Variants in UPB1 observed in about 807,000 individuals in gnomAD.
UPB1 encodes the protein beta-ureidopropionase 1.
UPB1 carries 40 observed loss-of-function variants against 49.1 expected under a neutral mutation model. The ratio of observed to expected loss-of-function variants is 0.81; its 90% confidence interval spans 0.63 to 1.06. UPB1 has a LOEUF of 1.06. Ranked by LOEUF, UPB1 falls within the 50% of genes least tolerant of loss-of-function variation. UPB1 has a pLI of 0.00. For synonymous variants in UPB1, 207 were observed against 198.2 expected, an observed-to-expected ratio of 1.04 and a Z score of -0.38; for missense variants, 499 against 505.9, an observed-to-expected ratio of 0.99 and a Z score of 0.13.
chr22:24,510,696 C>G, intron 3 of UPB1, 53 bp from the exon 4 acceptor site: 2 of 1,565,718 alleles, frequency 1.3e-6, no homozygotes, highest in South Asian at 1.1e-5. Flanking sequence ...TGAGGAGCCC[C>G]CCTCAGAGGC....
chr22:24,512,286 C>T (rs1187554113), intron 4 of UPB1, among the ~76,000 whole-genome samples: 3 of 152,184 alleles, frequency 2.0e-5, no homozygotes, highest in Non-Finnish European at 2.9e-5. Context: ...AGACACTCCG[C>T]CTCCACAGGG....
chr22:24,510,869 A>G (rs368633145), intron 4 of UPB1, 26 bp downstream of exon 4: 9 of 1,611,512 alleles, frequency 5.6e-6, no homozygotes, highest in Non-Finnish European at 7.6e-6. Context: ...TGCCTCTGGC[A>G]GCAGCTGCCA....
Position 24,495,371 on chromosome 22 carries a change from G to A in UPB1, c.-33G>A, listed in dbSNP as rs375125095. On this transcript the variant is annotated 5_prime_UTR_variant, in exon 1 of 10. It adds an upstream start codon to the 5' untranslated region. Transcript: ENST00000326010. Reference sequence around the variant, plus strand: ...ACTGCGGGCAAAGGGCAGGCAGTTCGTGCGCGGACACAAGCACTGGCGGAC... The same window carrying A: ...ACTGCGGGCAAAGGGCAGGCAGTTCATGCGCGGACACAAGCACTGGCGGAC... 4.3e-6 allele frequency: 7 copies of A among 1,609,278 alleles called. No individual in the cohort carries two copies. Among genetic ancestry groups the A allele is most frequent in the South Asian group, 1.1e-5 (1 of 91,046 alleles).
chr22:24,519,818 T>G, intron 6 of UPB1: 2 of 174,826 alleles, frequency 1.1e-5, no homozygotes, highest in East Asian at 1.6e-4. Context: ...AGTAGGAGAG[T>G]TAGGGTAGGG....
At chr22:24,518,328 A>G (rs925933647) in intron 6 of UPB1, 1 of 152,218 alleles carries the variant, frequency 6.6e-6, no homozygotes, top group Non-Finnish European at 1.5e-5. Context: ...GGTAATGCAA[A>G]GTGATGAAAG....
At chr22:24,495,604 G>C in intron 1 of UPB1, 97 bp downstream of exon 1, 4 of 1,361,044 alleles carry the variant, frequency 2.9e-6, no homozygotes, top group Non-Finnish European at 4.1e-6. Context: ...GAAGGGCTCA[G>C]GGGAGGCGGT....
At chr22:24,496,378 C>CACACACACACACACACACACACACAT (rs938401440) in intron 1 of UPB1, among the ~76,000 whole-genome samples, 17 of 133,282 alleles carry the variant, frequency 1.3e-4, no homozygotes, top group Admixed American at 5.0e-4. Context: ...CTCAAACACA[C>CACACACACACACACACACACACACAT]ACACACACAC....
rs1329555373 is a variant in UPB1 at position 24,510,562 on chromosome 22, C to T, written c.365-187C>T. ...AAGACTTTGGGAAAGACATTTGGCC[C>T]AGCCCCTTGTTTTGCCATGAAGCCC... is the stretch of plus-strand genomic sequence containing the variant. On this transcript the variant is annotated intron_variant, in intron 3 of 9. Coordinates refer to ENST00000326010, the MANE Select transcript of UPB1 (RefSeq NM_016327.3). Among the ~76,000 whole-genome samples the T allele has an allele frequency of 2.6e-5, 4 of 152,160 alleles. No individual in the cohort carries two copies. The East Asian group carries it at 7.7e-4, about 29-fold the overall frequency.
At chr22:24,504,723 CTTT>C (rs35606558) in intron 3 of UPB1, among the ~76,000 whole-genome samples, 17 of 91,772 alleles carry the variant, frequency 1.9e-4, no homozygotes, top group African/African-American at 6.8e-4. Context: ...GTATTTCCTC[CTTT>C]TTTTTTTTTT....
intron 3 of UPB1, among the ~76,000 whole-genome samples, chr22:24,509,361 GAAAAAAAAAAAA>G (rs202081655): frequency 0.046 from 4,200 of 91,530 alleles, 25 homozygotes; most frequent in Middle Eastern, 0.079. Context: ...CCTACTGTTT[GAAAAAAAAAAAA>G]AAAAAAAAAA....
intron 1 of UPB1, among the ~76,000 whole-genome samples, chr22:24,497,956 CTT>C (rs1421853170): frequency 6.6e-6 from 1 of 152,138 alleles, no homozygotes; most frequent in Non-Finnish European, 1.5e-5. Context: ...TGGCAGAGCT[CTT>C]GTCTGAGTGT....
chr22:24,502,318 T>C (rs775849351), intron 3 of UPB1, 105 bp downstream of exon 3: 1 of 1,262,792 alleles, frequency 7.9e-7, no homozygotes, highest in Non-Finnish European at 1.2e-6. Flanking sequence ...ATCTCCTTTG[T>C]TTCCTCATCC....
In UPB1 at chr22:24,526,086, A is replaced by C; in HGVS notation, c.*292A>C. 2.4e-6 allele frequency: 1 copy of C among 413,692 alleles called. No individual in the cohort carries two copies. The highest frequency in any genetic ancestry group is 4.6e-6 in the Non-Finnish European group (1 of 219,582). 25.6% of individuals were successfully genotyped at this position (413,692 alleles called of 1,614,324 possible). A position where few individuals can be genotyped will look rare whatever the true frequency, so the allele number is the denominator to read the frequency against. On this transcript the variant is annotated 3_prime_UTR_variant, in exon 10 of 10. Coordinates refer to ENST00000326010, the MANE Select transcript of UPB1 (RefSeq NM_016327.3). The stretch of plus-strand genomic sequence containing the variant: ...TGTAAATTTTACCTCAACTAAAAAA[A>C]AAAATGCCCAGGTACTGCTTGTGCA...
intron 1 of UPB1, 60 bp downstream of exon 1, chr22:24,495,567 G>A: frequency 1.3e-6 from 2 of 1,586,876 alleles, no homozygotes; most frequent in Non-Finnish European, 8.6e-7. Flanking sequence ...GGGTCTGGGG[G>A]AGCAGGCAGG....
At position 24,502,121 on chromosome 22, in the gene UPB1, C is replaced by A. The variant is rs1245677784; in HGVS notation, c.277-5C>A. 1 of 1,614,120 alleles carries A rather than the reference C, an allele frequency of 6.2e-7. No homozygotes were observed. Among genetic ancestry groups the A allele is most frequent in the Non-Finnish European group, 8.5e-7 (1 of 1,179,966 alleles). On this transcript the variant is annotated splice_region_variant and splice_polypyrimidine_tract_variant and intron_variant, in intron 2 of 9. Transcript: ENST00000326010. The stretch of plus-strand genomic sequence containing the variant: ...AATGGATTCTAATCCTTTTTAAATT[C>A]TCAGGTCTCTGCCCTTCATAGACGC...
intron 3 of UPB1, among the ~76,000 whole-genome samples, chr22:24,504,723 C>CTTTT (rs35606558): frequency 1.3e-3 from 118 of 91,764 alleles, no homozygotes; most frequent in East Asian, 3.1e-3. Flanking sequence ...GTATTTCCTC[C>CTTTT]TTTTTTTTTT....
chr22:24,512,798 T>G (rs1422190731), intron 4 of UPB1, among the ~76,000 whole-genome samples: 10 of 152,198 alleles, frequency 6.6e-5, no homozygotes, highest in Admixed American at 6.5e-5. Context: ...TTTGTCTTTT[T>G]GGGACTGGCT....
intron 9 of UPB1, among the ~76,000 whole-genome samples, chr22:24,524,927 A>G (rs2044456710): frequency 6.6e-6 from 1 of 152,128 alleles, no homozygotes; most frequent in African/African-American, 2.4e-5. Context: ...TTTTCTGAGC[A>G]TGGGTTCCTC....
At chr22:24,509,361 GAAAAAAAAAAA>G (rs202081655) in intron 3 of UPB1, among the ~76,000 whole-genome samples, 1,739 of 91,890 alleles carry the variant, frequency 0.019, 20 homozygotes, top group African/African-American at 0.071. Flanking sequence ...CCTACTGTTT[GAAAAAAAAAAA>G]AAAAAAAAAA....
Sources: allele counts gnomAD v4.1 joint callset (sites outside exome capture counted in the v4.1 genomes callset), GRCh38; gene constraint gnomAD v4.1.1; transcripts MANE v1.5; gene names NCBI Gene and HGNC (gene_info 2026-07-23, HGNC 2026-07-21).